The following EDIL3 variants were observed in gnomAD, a reference collection of about 807,000 sequenced individuals.
The protein encoded by EDIL3 is EGF like and discoidin domains 3.
In EDIL3, 37 loss-of-function variants were observed where a neutral mutation model predicts 67.4. That is an observed-to-expected ratio of 0.55 (90% CI 0.42 to 0.72). EDIL3 has a LOEUF of 0.72. Among genes scored for constraint, EDIL3 ranks in the 30% least tolerant of loss-of-function variants. The pLI, the probability that EDIL3 is intolerant of heterozygous loss-of-function variation, is 0.00. For synonymous variants in EDIL3, 195 were observed against 196.3 expected, an observed-to-expected ratio of 0.99 and a Z score of 0.05; for missense variants, 527 against 586.3, an observed-to-expected ratio of 0.90 and a Z score of 1.04.
chr5:84,106,789 T>C lies in EDIL3; in HGVS notation c.511A>G (p.Asn171Asp). 10 of 1,611,350 alleles carry C rather than the reference T, an allele frequency of 6.2e-6. No homozygotes were observed. Among genetic ancestry groups the C allele is most frequent in the Non-Finnish European group, 8.5e-6 (10 of 1,178,986 alleles). ...GTAGAGGAAGCTGTGATTTGCTGGT[T>C]TGATATAATTCCACCTTCAATTCCC... is the stretch of plus-strand genomic sequence containing the variant. The part of the protein sequence containing the change: ...PLGIEGGIIS[N>D]QQITASSTHR... The change falls in exon 6 of 11, where the codon AAC (asparagine) becomes GAC (aspartate). Residue 171 changes from asparagine (N) to aspartate (D), a missense_variant. Physicochemically the swap from Asn to Asp is conservative, Grantham distance 23. This residue lies in a region of EDIL3 where 494 missense variants were observed against 522.5 expected (regional missense o/e 0.95). Coordinates refer to ENST00000296591, the MANE Select transcript of EDIL3 (RefSeq NM_005711.5).
intron 2 of EDIL3, among the ~76,000 whole-genome samples, 163 bp downstream of exon 2, chr5:84,253,921 A>G (rs1745078618): frequency 6.6e-6 from 1 of 152,112 alleles, no homozygotes; most frequent in Non-Finnish European, 1.5e-5. Flanking sequence ...TATAATTTCA[A>G]TATAAACTGG....
chr5:84,186,509 G>T (rs1376729839), intron 3 of EDIL3, among the ~76,000 whole-genome samples: 1 of 151,946 alleles, frequency 6.6e-6, no homozygotes, highest in Admixed American at 6.6e-5. Context: ...ATTTTTTAAG[G>T]TAATTTCAAT....
chr5:84,323,460 A>C (rs752152867), intron 1 of EDIL3, among the ~76,000 whole-genome samples: 5 of 152,002 alleles, frequency 3.3e-5, no homozygotes, highest in Non-Finnish European at 1.5e-5. Context: ...TTCAATATAA[A>C]AAATCAATTA....
rs191055981 is a variant in EDIL3 at position 84,271,231 on chromosome 5, G to A, written c.68-17019C>T. 9.8e-4 allele frequency among the ~76,000 whole-genome samples: 149 copies of A among 151,980 alleles called. 1 individual carries two copies. The highest frequency in any genetic ancestry group is 3.5e-3 in the African/African-American group (145 of 41,488). On this transcript the variant is annotated intron_variant, in intron 1 of 10. Transcript: ENST00000296591. Reference sequence around the variant, plus strand: ...AATAAAGGAGAGACCTGGCTAACACGGGGAAACCCCGTCTCCACTAAAAAT... The same window carrying A: ...AATAAAGGAGAGACCTGGCTAACACAGGGAAACCCCGTCTCCACTAAAAAT...
At chr5:83,998,054 T>C (rs1371549088) in intron 9 of EDIL3, among the ~76,000 whole-genome samples, 4 of 152,132 alleles carry the variant, frequency 2.6e-5, no homozygotes, top group Admixed American at 2.6e-4. Context: ...AAAAGCAGTC[T>C]AGGCCACAAG....
chr5:84,066,394 A>C (rs1226502212), intron 7 of EDIL3, 57 bp downstream of exon 7: 65 of 1,506,262 alleles, frequency 4.3e-5, no homozygotes, highest in Non-Finnish European at 5.6e-5. Flanking sequence ...TCATTTGATA[A>C]TCAATAATTA....
intron 1 of EDIL3, among the ~76,000 whole-genome samples, chr5:84,289,866 T>G (rs572724118): frequency 6.6e-6 from 1 of 152,206 alleles, no homozygotes; most frequent in East Asian, 1.9e-4. Context: ...CACTAAAATA[T>G]GTTAATGAAA....
Position 84,292,433 on chromosome 5 carries a change from T to C in EDIL3, c.68-38221A>G, listed in dbSNP as rs185161960. Among the ~76,000 whole-genome samples, 11 of 152,286 alleles carry C rather than the reference T, an allele frequency of 7.2e-5. No individual in the cohort carries two copies. In the South Asian group the frequency reaches 1.4e-3, roughly 20 times the overall value. ...GAGCCAGGAAAGCATTCACTTTTTA[T>C]AAATGCACTTTTGTTTAGTTCTCTC... is the stretch of plus-strand genomic sequence containing the variant. On this transcript the variant is annotated intron_variant, in intron 1 of 10. Transcript: ENST00000296591.
chr5:84,054,674 CAGAG>C (rs1288308324), intron 9 of EDIL3, among the ~76,000 whole-genome samples: 1 of 152,010 alleles, frequency 6.6e-6, no homozygotes, highest in Non-Finnish European at 1.5e-5. Context: ...AACAGACAAA[CAGAG>C]AGCCAAATGA....
Position 84,352,228 on chromosome 5 carries a change from A to G in EDIL3, c.67+32080T>C, listed in dbSNP as rs111296800. Among the ~76,000 whole-genome samples, 206 of 152,254 alleles carry G rather than the reference A, an allele frequency of 1.4e-3. 2 individuals carry two copies. Among genetic ancestry groups the G allele is most frequent in the African/African-American group, 4.6e-3 (192 of 41,566 alleles). On this transcript the variant is annotated intron_variant, in intron 1 of 10. Coordinates refer to ENST00000296591, the MANE Select transcript of EDIL3 (RefSeq NM_005711.5). The stretch of plus-strand genomic sequence containing the variant: ...AACCTTTATGGAAGACACTATGGAG[A>G]TTTCTTAAAGAGCCAAAGATAGAAC...
At chr5:84,358,839 T>C (rs1747540842) in intron 1 of EDIL3, among the ~76,000 whole-genome samples, 1 of 152,104 alleles carries the variant, frequency 6.6e-6, no homozygotes, top group African/African-American at 2.4e-5. Context: ...CTTGATCTCC[T>C]GACCTCATGA....
intron 10 of EDIL3, among the ~76,000 whole-genome samples, chr5:83,956,930 T>TC (rs541370148): frequency 3.4e-4 from 51 of 151,828 alleles, no homozygotes; most frequent in African/African-American, 1.2e-3. Flanking sequence ...TTTAGACGAT[T>TC]TGAAATAATA....
chr5:83,982,147 C>G (rs1203267399), intron 9 of EDIL3, among the ~76,000 whole-genome samples: 2 of 152,000 alleles, frequency 1.3e-5, no homozygotes, highest in African/African-American at 4.8e-5. Context: ...ATAACAGTAT[C>G]AAAATTTGAT....
At chr5:84,345,978 C>T (rs1396797440) in intron 1 of EDIL3, among the ~76,000 whole-genome samples, 2 of 151,948 alleles carry the variant, frequency 1.3e-5, no homozygotes, top group African/African-American at 2.4e-5. Flanking sequence ...AACTGCTTAC[C>T]GGCACAGGTT....
intron 1 of EDIL3, among the ~76,000 whole-genome samples, chr5:84,283,866 C>T (rs1481731512): frequency 6.6e-6 from 1 of 152,126 alleles, no homozygotes; most frequent in African/African-American, 2.4e-5. Context: ...ACATAAGCTC[C>T]CTCAAACCAC....
At chr5:84,153,131 G>A (rs1343154191) in intron 4 of EDIL3, among the ~76,000 whole-genome samples, 2 of 151,792 alleles carry the variant, frequency 1.3e-5, no homozygotes, top group Non-Finnish European at 2.9e-5. Context: ...TTATACAAAC[G>A]GGAAAATAAC....
chr5:84,198,192 G>T (rs559335438), intron 3 of EDIL3, among the ~76,000 whole-genome samples: 1 of 151,848 alleles, frequency 6.6e-6, no homozygotes, highest in South Asian at 2.1e-4. Context: ...AGAGAAAGAG[G>T]ATGATACCAT....
intron 4 of EDIL3, among the ~76,000 whole-genome samples, chr5:84,169,434 C>A (rs1401781221): frequency 6.6e-6 from 1 of 151,886 alleles, no homozygotes; most frequent in Non-Finnish European, 1.5e-5. Flanking sequence ...TAATTAGGCT[C>A]TATAGAATTT....
Position 84,147,579 on chromosome 5 carries a change from A to C in EDIL3, c.356-10225T>G, listed in dbSNP as rs56083853. Among the ~76,000 whole-genome samples, 1,264 of 152,242 alleles carry C rather than the reference A, an allele frequency of 8.3e-3. 19 individuals carry two copies. Among genetic ancestry groups the C allele is most frequent in the African/African-American group, 0.029 (1,216 of 41,558 alleles). On this transcript the variant is annotated intron_variant, in intron 4 of 10. Coordinates refer to ENST00000296591, the MANE Select transcript of EDIL3 (RefSeq NM_005711.5). ...GAAACTTGCAGGTAACCACTATTTC[A>C]CTTTATGTGGAAGTGGAGAGTGGAA...
Sources: gnomAD v4.1 joint callset for allele counts (sites outside exome capture counted in the v4.1 genomes callset) on GRCh38, gnomAD v4.1.1 for gene constraint, gnomAD v4.1.1 regional missense constraint, MANE v1.5 for transcripts, NCBI Gene and HGNC (gene_info 2026-07-23, HGNC 2026-07-21) for gene names.